Variants in TFDP2 observed in about 807,000 individuals in gnomAD.
TFDP2 encodes the protein transcription factor Dp-2.
Under a neutral mutation model 59.3 loss-of-function variants are expected in TFDP2, and 17 were observed. That is an observed-to-expected ratio of 0.29 (90% CI 0.20 to 0.43). TFDP2 has a LOEUF of 0.43. Among genes scored for constraint, TFDP2 ranks in the 20% least tolerant of loss-of-function variants. The pLI, the probability that TFDP2 is intolerant of heterozygous loss-of-function variation, is 1.00. For missense variants in TFDP2, 391 were observed against 528.8 expected, an observed-to-expected ratio of 0.74 and a Z score of 2.56; for synonymous variants, 180 against 194.7, an observed-to-expected ratio of 0.92 and a Z score of 0.63.
chr3:142,149,510 C>G lies in TFDP2; in HGVS notation c.-420G>C, dbSNP rs1050501337. 5.0e-5 allele frequency: 17 copies of G among 339,560 alleles called. No homozygotes were observed. The highest frequency in any genetic ancestry group is 8.5e-5 in the African/African-American group (4 of 46,936). 21.0% of individuals were successfully genotyped at this position (339,560 alleles called of 1,614,324 possible). A position where few individuals can be genotyped will look rare whatever the true frequency, so the allele number is the denominator to read the frequency against. The stretch of plus-strand genomic sequence containing the variant: ...TGCCCAGCTACAGCCCCGCTTCCCC[C>G]GCGCGAGCTTTGGCGGCGGAGCAGC... On this transcript the variant is annotated 5_prime_UTR_variant, in exon 1 of 13. Transcript: ENST00000489671.
chr3:142,111,860 G>C (rs2061677533), intron 1 of TFDP2, among the ~76,000 whole-genome samples: 1 of 152,298 alleles, frequency 6.6e-6, no homozygotes, highest in South Asian at 2.1e-4. Flanking sequence ...GCGCTCAGAA[G>C]TTTGAGACCA....
chr3:142,078,067 G>T (rs1201458748), intron 3 of TFDP2, among the ~76,000 whole-genome samples: 1 of 152,212 alleles, frequency 6.6e-6, no homozygotes, highest in Non-Finnish European at 1.5e-5. Context: ...ACCTGTGGTG[G>T]TGGCTGGGGG....
At chr3:142,083,536 G>C (rs2060710286) in intron 3 of TFDP2, among the ~76,000 whole-genome samples, 1 of 152,006 alleles carries the variant, frequency 6.6e-6, no homozygotes, top group Non-Finnish European at 1.5e-5. Context: ...AATAGACCCA[G>C]AATAGCCAAA....
At chr3:142,043,605 C>G (rs565016795) in intron 3 of TFDP2, 9 of 809,696 alleles carry the variant, frequency 1.1e-5, no homozygotes, top group South Asian at 1.1e-4. Flanking sequence ...CCAGTATGTA[C>G]AGACAAAGGG....
intron 6 of TFDP2, among the ~76,000 whole-genome samples, chr3:141,990,329 C>G (rs1188354387): frequency 6.6e-6 from 1 of 151,972 alleles, no homozygotes; most frequent in Admixed American, 6.6e-5. Flanking sequence ...AAATGGAGTG[C>G]AGTGGTGTGA....
At chr3:141,974,213 G>A (rs367922973) in intron 7 of TFDP2, 22 bp from the exon 8 acceptor site, 116 of 1,581,008 alleles carry the variant, frequency 7.3e-5, no homozygotes, top group African/African-American at 9.6e-5. Context: ...TATTTTCACT[G>A]AGTGATAAAT....
At chr3:142,073,094 C>T (rs1474160493) in intron 3 of TFDP2, among the ~76,000 whole-genome samples, 1 of 152,176 alleles carries the variant, frequency 6.6e-6, no homozygotes, top group African/African-American at 2.4e-5. Flanking sequence ...CCTTAATATG[C>T]TGTGATGAAA....
intron 3 of TFDP2, among the ~76,000 whole-genome samples, chr3:142,038,784 G>A (rs1946819349): frequency 6.6e-6 from 1 of 151,944 alleles, no homozygotes. Flanking sequence ...TTAACTTTTT[G>A]AACTTAACAA....
At chr3:142,099,513 C>G (rs2061260310) in intron 2 of TFDP2, among the ~76,000 whole-genome samples, 2 of 151,908 alleles carry the variant, frequency 1.3e-5, no homozygotes, top group South Asian at 4.2e-4. Flanking sequence ...ACCAGCCTGA[C>G]CAACATGGAG....
At chr3:142,129,265 C>T (rs2062399218) in intron 1 of TFDP2, among the ~76,000 whole-genome samples, 1 of 151,854 alleles carries the variant, frequency 6.6e-6, no homozygotes, top group South Asian at 2.1e-4. Flanking sequence ...TAGCTACAGA[C>T]TCTAGAAACT....
chr3:141,974,847 T>C (rs1220850615), intron 7 of TFDP2, among the ~76,000 whole-genome samples: 1 of 151,184 alleles, frequency 6.6e-6, no homozygotes, highest in Non-Finnish European at 1.5e-5. Context: ...TGTACCAAAA[T>C]ATAATCCTCT....
At chr3:142,132,611 G>A (rs1387883449) in intron 1 of TFDP2, among the ~76,000 whole-genome samples, 1 of 148,978 alleles carries the variant, frequency 6.7e-6, no homozygotes, top group Non-Finnish European at 1.5e-5. Context: ...CGGGCATGGT[G>A]GTAAGCGCCT....
chr3:142,038,874 A>G (rs1946824154), intron 3 of TFDP2, among the ~76,000 whole-genome samples: 1 of 152,176 alleles, frequency 6.6e-6, no homozygotes, highest in Admixed American at 6.5e-5. Flanking sequence ...GCTACTTTCA[A>G]TTTTTCATTA....
At chr3:142,042,420 A>C (rs1576811998) in intron 3 of TFDP2, among the ~76,000 whole-genome samples, 1 of 150,952 alleles carries the variant, frequency 6.6e-6, no homozygotes, top group Non-Finnish European at 1.5e-5. Flanking sequence ...GCCTCCTGAG[A>C]AGCTGGGACT....
chr3:142,088,494 C>T (rs2060883336), intron 3 of TFDP2, among the ~76,000 whole-genome samples: 1 of 151,896 alleles, frequency 6.6e-6, no homozygotes, highest in African/African-American at 2.4e-5. Context: ...CCACACCTGG[C>T]TAATTTCTGT....
At position 141,995,032 on chromosome 3, in the gene TFDP2, C is replaced by A; in HGVS notation, c.296G>T (p.Gly99Val). Residue 99 changes from glycine to valine, a missense_variant, in exon 5 of 13, where the codon GGC (glycine) becomes GTC (valine). This residue lies in a region of TFDP2 where 162 missense variants were observed against 206.8 expected (regional missense o/e 0.78). Coordinates refer to ENST00000489671, the MANE Select transcript of TFDP2 (RefSeq NM_001178139.2). ...VTQTHIAEAT[G>V]WVPGDRKRAR... ...GCAACACTCTTACCCAGGGACCCAG[C>A]CAGTAGCTTCTGCTATGTGTGTCTG... 1 of 1,593,820 alleles carries A rather than the reference C, an allele frequency of 6.3e-7. No individual in the cohort carries two copies. Among genetic ancestry groups the A allele is most frequent in the Non-Finnish European group, 8.5e-7 (1 of 1,170,072 alleles).
chr3:141,975,592 G>A (rs1005629302), intron 7 of TFDP2, among the ~76,000 whole-genome samples: 1 of 151,306 alleles, frequency 6.6e-6, no homozygotes, highest in Non-Finnish European at 1.5e-5. Context: ...TACTCAGGAG[G>A]ATGAGGCAGG....
intron 3 of TFDP2, among the ~76,000 whole-genome samples, chr3:142,057,199 T>G (rs1231238876): frequency 5.3e-5 from 8 of 152,156 alleles, no homozygotes; most frequent in African/African-American, 1.9e-4. Context: ...AATGGCACAC[T>G]TCCATGGCCA....
intron 4 of TFDP2, 73 bp from the exon 5 acceptor site, chr3:141,995,214 A>AT: frequency 2.3e-6 from 3 of 1,293,700 alleles, no homozygotes; most frequent in Non-Finnish European, 3.1e-6. Context: ...AATAACATTG[A>AT]TTGCTAACCT....
Sources: gnomAD v4.1 joint callset for allele counts (sites outside exome capture counted in the v4.1 genomes callset) on GRCh38, gnomAD v4.1.1 for gene constraint, gnomAD v4.1.1 regional missense constraint, MANE v1.5 for transcripts, NCBI Gene and HGNC (gene_info 2026-07-23, HGNC 2026-07-21) for gene names.